The following MDGA2 variants were observed in gnomAD, a reference collection of about 807,000 sequenced individuals.
The protein encoded by MDGA2 is MAM domain-containing glycosylphosphatidylinositol anchor protein 2.
MDGA2 carries 40 observed loss-of-function variants against 117.8 expected under a neutral mutation model. The ratio of observed to expected loss-of-function variants is 0.34; its 90% confidence interval spans 0.26 to 0.44. The LOEUF (loss-of-function observed/expected upper bound fraction) is 0.44, where lower values mean the gene tolerates loss of function less well. Among genes scored for constraint, MDGA2 ranks in the 20% least tolerant of loss-of-function variants. The pLI, the probability that MDGA2 is intolerant of heterozygous loss-of-function variation, is 1.00. For missense variants in MDGA2, 1,123 were observed against 1,250.6 expected (o/e 0.90, Z 1.54); for synonymous variants, 452 against 439.0 (o/e 1.03, Z -0.37).
intron 1 of MDGA2, among the ~76,000 whole-genome samples, chr14:47,514,498 A>T (rs547470161): frequency 2.2e-4 from 34 of 152,240 alleles, no homozygotes; most frequent in African/African-American, 7.5e-4. Context: ...GAACACAGGA[A>T]ACTCTTGAGA....
chr14:47,000,400 A>ATATATATATATAAAT (rs1555342235), intron 8 of MDGA2, among the ~76,000 whole-genome samples: 1 of 115,604 alleles, frequency 8.7e-6, no homozygotes, highest in Non-Finnish European at 1.7e-5. Flanking sequence ...TTTATATATA[A>ATATATATATATAAAT]ATATATATTT....
At chr14:47,584,767 A>C (rs2138847034) in intron 1 of MDGA2, among the ~76,000 whole-genome samples, 1 of 151,954 alleles carries the variant, frequency 6.6e-6, no homozygotes, top group South Asian at 2.1e-4. Flanking sequence ...ATCCCATAGA[A>C]GTTCCTCCAT....
intron 1 of MDGA2, among the ~76,000 whole-genome samples, chr14:47,540,053 C>T (rs1335432978): frequency 6.6e-6 from 1 of 152,160 alleles, no homozygotes; most frequent in African/African-American, 2.4e-5. Flanking sequence ...CTCGCTGCCG[C>T]CCAGGCTGGA....
At chr14:47,154,339 G>A (rs920096179) in intron 3 of MDGA2, among the ~76,000 whole-genome samples, 1 of 152,212 alleles carries the variant, frequency 6.6e-6, no homozygotes, top group Admixed American at 6.5e-5. Context: ...GACCGCAGTG[G>A]GGGAGATGCA....
intron 1 of MDGA2, among the ~76,000 whole-genome samples, chr14:47,436,411 C>G (rs1892899486): frequency 6.6e-6 from 1 of 152,004 alleles, no homozygotes; most frequent in Non-Finnish European, 1.5e-5. Context: ...ATAAGCAGAA[C>G]AAATGGCATT....
intron 1 of MDGA2, among the ~76,000 whole-genome samples, chr14:47,604,539 T>C (rs560739812): frequency 1.6e-5 from 2 of 123,458 alleles, no homozygotes; most frequent in South Asian, 2.8e-4. Context: ...TTTGTTGCCA[T>C]GGCTGGTCTC....
At chr14:46,910,513 C>A (rs2138479153) in intron 10 of MDGA2, among the ~76,000 whole-genome samples, 1 of 152,260 alleles carries the variant, frequency 6.6e-6, no homozygotes, top group East Asian at 1.9e-4. Context: ...TATGACAAAA[C>A]CACAGCCAAC....
intron 3 of MDGA2, among the ~76,000 whole-genome samples, chr14:47,211,994 T>C (rs893515218): frequency 6.6e-6 from 1 of 152,196 alleles, no homozygotes; most frequent in Non-Finnish European, 1.5e-5. Context: ...AGTTCCTTTT[T>C]AGCCCACAAA....
chr14:47,447,161 TA>T (rs1165623160), intron 1 of MDGA2, among the ~76,000 whole-genome samples: 1 of 152,176 alleles, frequency 6.6e-6, no homozygotes, highest in Non-Finnish European at 1.5e-5. Context: ...ATTTTAGCAA[TA>T]AAACTGTTTA....
At position 47,279,040 on chromosome 14, in the gene MDGA2, T is replaced by G. The variant is rs188020945; in HGVS notation, c.420+22371A>C. ...AAGTTTGACAATTAGGTTGCTAGTA[T>G]ATAATGTTGCAATGAAAACCCTTGT... On this transcript the variant is annotated intron_variant, in intron 2 of 16. Coordinates refer to ENST00000399232, the MANE Select transcript of MDGA2 (RefSeq NM_001113498.3). Among the ~76,000 whole-genome samples the G allele has an allele frequency of 3.2e-4, 48 of 152,302 alleles. No individual in the cohort carries two copies. In the East Asian group the frequency reaches 7.1e-3, roughly 23 times the overall value.
chr14:47,118,824 G>A (rs887166196), intron 5 of MDGA2, among the ~76,000 whole-genome samples: 3 of 151,946 alleles, frequency 2.0e-5, no homozygotes, highest in African/African-American at 7.2e-5. Flanking sequence ...GCCTCAACCT[G>A]GCAGGCTCAA....
chr14:47,070,568 C>G (rs1215434806), intron 6 of MDGA2, among the ~76,000 whole-genome samples: 1 of 151,818 alleles, frequency 6.6e-6, no homozygotes, highest in Non-Finnish European at 1.5e-5. Context: ...ATTGACCAAC[C>G]TCTCCCATAA....
chr14:47,073,860 A>C (rs535896933), intron 6 of MDGA2, among the ~76,000 whole-genome samples: 1 of 152,272 alleles, frequency 6.6e-6, no homozygotes, highest in Admixed American at 6.5e-5. Context: ...ACGTTCCTTC[A>C]AAATGTGTTT....
chr14:47,463,716 T>G (rs1219472435), intron 1 of MDGA2, among the ~76,000 whole-genome samples: 1 of 152,154 alleles, frequency 6.6e-6, no homozygotes, highest in Non-Finnish European at 1.5e-5. Context: ...ATTAAAATAA[T>G]AGATAACATT....
At chr14:46,954,691 A>T (rs1165828936) in intron 9 of MDGA2, among the ~76,000 whole-genome samples, 1 of 152,060 alleles carries the variant, frequency 6.6e-6, no homozygotes, top group Non-Finnish European at 1.5e-5. Flanking sequence ...ATTCAAGATA[A>T]GTTCCTTCTC....
intron 1 of MDGA2, among the ~76,000 whole-genome samples, chr14:47,540,046 G>A (rs561973816): frequency 6.6e-6 from 1 of 151,932 alleles, no homozygotes; most frequent in South Asian, 2.1e-4. Context: ...ACGGAGTCTC[G>A]CTGCCGCCCA....
chr14:47,062,277 A>G (rs572400726), intron 6 of MDGA2, among the ~76,000 whole-genome samples: 30 of 152,154 alleles, frequency 2.0e-4, no homozygotes, highest in Middle Eastern at 3.4e-3. Context: ...ACCTCTCCAC[A>G]GACAGCTTAG....
chr14:47,124,707 C>T (rs1881811603), intron 5 of MDGA2, among the ~76,000 whole-genome samples: 1 of 151,898 alleles, frequency 6.6e-6, no homozygotes, highest in African/African-American at 2.4e-5. Flanking sequence ...AAGGATGAGA[C>T]TCTAATCAAA....
chr14:47,288,436 C>G (rs974706445), intron 2 of MDGA2, among the ~76,000 whole-genome samples: 44 of 152,072 alleles, frequency 2.9e-4, no homozygotes, highest in African/African-American at 9.9e-4. Flanking sequence ...TATTGCAGAC[C>G]CAGATGCACA....
Sources: allele counts gnomAD v4.1 joint callset (sites outside exome capture counted in the v4.1 genomes callset), GRCh38; gene constraint gnomAD v4.1.1; transcripts MANE v1.5; gene names NCBI Gene and HGNC (gene_info 2026-07-23, HGNC 2026-07-21).